Variants in NPAS3 observed in about 807,000 individuals in gnomAD.
NPAS3 encodes the protein neuronal PAS domain-containing protein 3.
Under a neutral mutation model 73.1 loss-of-function variants are expected in NPAS3, and 14 were observed. The ratio of observed to expected loss-of-function variants is 0.19; its 90% confidence interval spans 0.13 to 0.30. NPAS3 has a LOEUF of 0.30. Ranked by LOEUF, NPAS3 falls within the 10% of genes least tolerant of loss-of-function variation. The pLI is 1.00. For missense variants in NPAS3, 1,096 were observed against 1,250.0 expected (o/e 0.88, Z 1.86); for synonymous variants, 620 against 541.5 (o/e 1.14, Z -2.01).
intron 2 of NPAS3, among the ~76,000 whole-genome samples, chr14:33,206,032 T>C (rs1018856053): frequency 6.6e-6 from 1 of 152,222 alleles, no homozygotes; most frequent in Admixed American, 6.5e-5. Flanking sequence ...AATAGGTGTT[T>C]ATAAGCCTGA....
intron 6 of NPAS3, among the ~76,000 whole-genome samples, chr14:33,733,550 G>T (rs903530692): frequency 1.3e-5 from 2 of 152,146 alleles, no homozygotes; most frequent in Non-Finnish European, 2.9e-5. Flanking sequence ...GATGTGATTG[G>T]ATTAGAGGGG....
chr14:33,703,873 A>G (rs889130411), intron 6 of NPAS3, among the ~76,000 whole-genome samples: 1 of 152,218 alleles, frequency 6.6e-6, no homozygotes, highest in Non-Finnish European at 1.5e-5. Flanking sequence ...CAAGAGGGCC[A>G]GGATTTCAAC....
At chr14:33,462,508 G>A (rs147737465) in intron 4 of NPAS3, among the ~76,000 whole-genome samples, 50 of 152,254 alleles carry the variant, frequency 3.3e-4, no homozygotes, top group African/African-American at 1.1e-3. Flanking sequence ...GACATAGACG[G>A]CGACTGTTCT....
chr14:33,150,872 T>C (rs1197646746), intron 2 of NPAS3, among the ~76,000 whole-genome samples: 2 of 152,218 alleles, frequency 1.3e-5, no homozygotes, highest in African/African-American at 4.8e-5. Context: ...GTTTCTTCCC[T>C]GAGCCAATTT....
chr14:33,214,522 T>A (rs1402726552), intron 2 of NPAS3: 1 of 152,234 alleles, frequency 6.6e-6, no homozygotes, highest in Non-Finnish European at 1.5e-5. Context: ...AATCTACTAA[T>A]GTATGTCCAT....
chr14:33,646,905 C>G (rs2058844908), intron 5 of NPAS3, among the ~76,000 whole-genome samples: 1 of 152,110 alleles, frequency 6.6e-6, no homozygotes, highest in South Asian at 2.1e-4. Flanking sequence ...GAGTAATCAG[C>G]AGCAATGACT....
intron 2 of NPAS3, among the ~76,000 whole-genome samples, chr14:33,211,713 A>C (rs538889168): frequency 6.6e-6 from 1 of 152,140 alleles, no homozygotes; most frequent in Non-Finnish European, 1.5e-5. Flanking sequence ...ACATACATAC[A>C]TATATGTGTG....
intron 4 of NPAS3, among the ~76,000 whole-genome samples, chr14:33,445,805 T>C (rs918790587): frequency 1.5e-4 from 23 of 152,230 alleles, no homozygotes; most frequent in Non-Finnish European, 2.6e-4. Flanking sequence ...GTTACCCATG[T>C]TGAATAACCA....
intron 2 of NPAS3, among the ~76,000 whole-genome samples, chr14:33,135,091 T>G (rs1027457182): frequency 6.6e-6 from 1 of 152,204 alleles, no homozygotes; most frequent in Non-Finnish European, 1.5e-5. Context: ...TAACTATCCT[T>G]ACTCTTCATG....
chr14:33,544,198 C>T (rs1426813921), intron 4 of NPAS3, among the ~76,000 whole-genome samples: 3 of 151,740 alleles, frequency 2.0e-5, no homozygotes, highest in African/African-American at 7.3e-5. Flanking sequence ...GCTGAAGTGC[C>T]GTGGCACCAT....
intron 2 of NPAS3, among the ~76,000 whole-genome samples, chr14:33,145,926 A>G (rs2044222349): frequency 6.6e-6 from 1 of 152,148 alleles, no homozygotes; most frequent in South Asian, 2.1e-4. Context: ...ATATATGAAA[A>G]ATAACTTAAA....
intron 1 of NPAS3, among the ~76,000 whole-genome samples, chr14:33,054,423 TG>T (rs1190792865): frequency 1.3e-5 from 2 of 152,166 alleles, no homozygotes; most frequent in African/African-American, 4.8e-5. Context: ...ATATAAACTA[TG>T]TATACTTTAT....
intron 7 of NPAS3, among the ~76,000 whole-genome samples, chr14:33,744,041 G>A (rs958619352): frequency 6.6e-6 from 1 of 152,202 alleles, no homozygotes; most frequent in Non-Finnish European, 1.5e-5. Context: ...CAGTAAGGCT[G>A]TTTTACTTTC....
At chr14:33,364,717 A>G (rs2045758731) in intron 3 of NPAS3, among the ~76,000 whole-genome samples, 1 of 152,122 alleles carries the variant, frequency 6.6e-6, no homozygotes, top group Admixed American at 6.5e-5. Context: ...CCTGAACCCT[A>G]GTGGAGAAAC....
Position 33,688,869 on chromosome 14 carries a change from G to T in NPAS3, c.733+12484G>T, listed in dbSNP as rs1056183571. 2.0e-5 allele frequency among the ~76,000 whole-genome samples: 3 copies of T among 152,258 alleles called. No individual in the cohort carries two copies. In the South Asian group the frequency reaches 6.2e-4, roughly 32 times the overall value. On this transcript the variant is annotated intron_variant, in intron 6 of 11. Transcript: ENST00000356141. ...GATTTTGGTGCAAAGATATGATTAC[G>T]GCTGCCCAGAGCAGTGCAGTGGTGG...
intron 2 of NPAS3, among the ~76,000 whole-genome samples, chr14:33,189,969 T>G (rs2139499258): frequency 6.6e-6 from 1 of 152,336 alleles, no homozygotes; most frequent in East Asian, 1.9e-4. Context: ...ATGAGGGATT[T>G]GCCTCCTTTG....
At chr14:33,788,503 G>A (rs138480710) in intron 9 of NPAS3, among the ~76,000 whole-genome samples, 3 of 152,264 alleles carry the variant, frequency 2.0e-5, no homozygotes, top group Admixed American at 1.3e-4. Flanking sequence ...CTAAAAGACC[G>A]CTTTTGATAT....
At chr14:33,446,942 G>A (rs2049536025) in intron 4 of NPAS3, among the ~76,000 whole-genome samples, 2 of 152,230 alleles carry the variant, frequency 1.3e-5, no homozygotes, top group Admixed American at 6.5e-5. Context: ...AACTACGTTT[G>A]TATGTAGCTA....
At chr14:33,648,422 C>CT (rs1395185972) in intron 5 of NPAS3, among the ~76,000 whole-genome samples, 2 of 152,142 alleles carry the variant, frequency 1.3e-5, no homozygotes, top group African/African-American at 4.8e-5. Context: ...CATCCCTAAC[C>CT]TATTTAATGT....
Sources: allele counts gnomAD v4.1 joint callset (sites outside exome capture counted in the v4.1 genomes callset), GRCh38; gene constraint gnomAD v4.1.1; transcripts MANE v1.5; gene names NCBI Gene and HGNC (gene_info 2026-07-23, HGNC 2026-07-21).